MALRD1: variants seen among roughly 807,000 people sequenced by gnomAD.
The protein encoded by MALRD1 is MAM and LDL-receptor class A domain-containing protein 1.
In MALRD1, 247 loss-of-function variants were observed where a neutral mutation model predicts 242.1. That is an observed-to-expected ratio of 1.02 (90% CI 0.92 to 1.13). The LOEUF (loss-of-function observed/expected upper bound fraction) is 1.13, where lower values mean the gene tolerates loss of function less well. MALRD1 is among the 50% of genes most tolerant of loss of function. MALRD1 has a pLI of 0.00. For synonymous variants in MALRD1, 995 were observed against 866.6 expected (o/e 1.15, Z -2.60); for missense variants, 2,989 against 2,533.1 (o/e 1.18, Z -3.86).
chr10:19,549,359 TC>T (rs1835382039), intron 32 of MALRD1, among the ~76,000 whole-genome samples: 1 of 152,228 alleles, frequency 6.6e-6, no homozygotes, highest in South Asian at 2.1e-4. Context: ...TCAAATAGCA[TC>T]ATTTGCTACA....
chr10:19,688,469 C>CA (rs1842692182), intron 36 of MALRD1, among the ~76,000 whole-genome samples: 2 of 151,706 alleles, frequency 1.3e-5, no homozygotes, highest in South Asian at 4.2e-4. Flanking sequence ...CCCTGTTGCC[C>CA]AGACTGATCT....
chr10:19,643,504 C>T (rs79270131), intron 36 of MALRD1, among the ~76,000 whole-genome samples: 3,091 of 151,352 alleles, frequency 0.02, 100 homozygotes, highest in African/African-American at 0.071. Context: ...ATTCAATTAA[C>T]CAAAGTTAAT....
intron 1 of MALRD1, among the ~76,000 whole-genome samples, chr10:19,056,986 A>G (rs542240350): frequency 1.3e-5 from 2 of 152,056 alleles, no homozygotes; most frequent in Non-Finnish European, 1.5e-5. Flanking sequence ...ATTGATTTGC[A>G]TAAGTTGAAC....
chr10:19,600,332 T>A (rs1378985676), intron 34 of MALRD1, among the ~76,000 whole-genome samples: 2 of 152,186 alleles, frequency 1.3e-5, no homozygotes, highest in Non-Finnish European at 1.5e-5. Flanking sequence ...GTAATTAATC[T>A]GTTTCAGGGA....
At chr10:19,692,433 C>T in intron 37 of MALRD1, 25 bp from the exon 38 acceptor site, 1 of 1,532,810 alleles carries the variant, frequency 6.5e-7, no homozygotes, top group Non-Finnish European at 8.7e-7. Context: ...GCATATTTAT[C>T]TTTTTCTTTG....
At chr10:19,424,471 T>C (rs1267499810) in intron 28 of MALRD1, among the ~76,000 whole-genome samples, 1 of 152,214 alleles carries the variant, frequency 6.6e-6, no homozygotes, top group Non-Finnish European at 1.5e-5. Flanking sequence ...CTAATTATTC[T>C]TAAATGTAAC....
At chr10:19,286,264 G>A (rs1057160427) in intron 21 of MALRD1, among the ~76,000 whole-genome samples, 1 of 148,920 alleles carries the variant, frequency 6.7e-6, no homozygotes, top group Non-Finnish European at 1.5e-5. Context: ...CTGCCTGATT[G>A]CCCTGGCCAG....
intron 38 of MALRD1, among the ~76,000 whole-genome samples, chr10:19,727,455 T>G (rs1253142952): frequency 1.3e-5 from 2 of 152,206 alleles, no homozygotes; most frequent in Non-Finnish European, 2.9e-5. Flanking sequence ...TTATCTTAGT[T>G]CTGCATTGAT....
intron 38 of MALRD1, among the ~76,000 whole-genome samples, chr10:19,707,554 C>T (rs975576397): frequency 6.6e-6 from 1 of 152,092 alleles, no homozygotes; most frequent in Non-Finnish European, 1.5e-5. Flanking sequence ...CCTGTTCAGA[C>T]GAGTTAGATG....
chr10:19,356,750 A>G (rs11009598), intron 26 of MALRD1, among the ~76,000 whole-genome samples: 2,694 of 152,252 alleles, frequency 0.018, 69 homozygotes, highest in African/African-American at 0.059. Flanking sequence ...AAAGAGCTCC[A>G]TTAGTTGATG....
At chr10:19,238,468 A>ATATT (rs373763200) in intron 18 of MALRD1, among the ~76,000 whole-genome samples, 5,163 of 37,400 alleles carry the variant, frequency 0.14, 592 homozygotes, top group Admixed American at 0.15. Context: ...TATATAATAT[A>ATATT]ATATATAATA....
chr10:19,364,560 A>G (rs980016061), intron 26 of MALRD1, among the ~76,000 whole-genome samples: 8 of 152,162 alleles, frequency 5.3e-5, no homozygotes, highest in Non-Finnish European at 7.4e-5. Flanking sequence ...AGCTAAAACT[A>G]AACTATTTTT....
intron 18 of MALRD1, among the ~76,000 whole-genome samples, chr10:19,237,842 T>G (rs186466368): frequency 6.5e-5 from 5 of 76,534 alleles, no homozygotes; most frequent in South Asian, 3.5e-4. Flanking sequence ...TAATTATATA[T>G]AATTATATAG....
intron 31 of MALRD1, among the ~76,000 whole-genome samples, chr10:19,516,844 A>G (rs1244299676): frequency 4.6e-5 from 7 of 151,942 alleles, no homozygotes; most frequent in Admixed American, 2.6e-4. Context: ...AATGATATCT[A>G]TGAGGTCCTA....
In MALRD1 at chr10:19,124,645, G is replaced by A; in HGVS notation, c.918G>A (p.Gln306=). The change falls in exon 7 of 40, where the codon CAG becomes CAA. Residue 306 remains glutamine (Q), a synonymous_variant. Coordinates refer to ENST00000454679, the MANE Select transcript of MALRD1 (RefSeq NM_001142308.3). ...REIPAFESTP[Q]QDQGGDDEGY... ...TCCCTGCATTCGAATCCACACCTCA[G>A]CAGGATCAAGGAGGTGATGATGAAG... 8.1e-7 allele frequency: 1 copy of A among 1,233,698 alleles called. No individual in the cohort carries two copies. Among genetic ancestry groups the A allele is most frequent in the Non-Finnish European group, 1.0e-6 (1 of 988,110 alleles). The allele number at this position is 1,233,698 out of a possible 1,614,324, so 76.4% of individuals were successfully genotyped here.
chr10:19,432,977 C>T (rs1039896944), intron 28 of MALRD1, among the ~76,000 whole-genome samples: 2 of 152,048 alleles, frequency 1.3e-5, no homozygotes, highest in Non-Finnish European at 2.9e-5. Context: ...ACGTAATACA[C>T]TTGTAATGCG....
intron 33 of MALRD1, among the ~76,000 whole-genome samples, chr10:19,587,210 G>T (rs182937612): frequency 1.3e-5 from 2 of 152,332 alleles, no homozygotes; most frequent in Non-Finnish European, 2.9e-5. Context: ...GCTAGGAGCT[G>T]TAGACCGGAG....
At chr10:19,353,743 G>C (rs1427958919) in intron 26 of MALRD1, among the ~76,000 whole-genome samples, 1 of 152,196 alleles carries the variant, frequency 6.6e-6, no homozygotes, top group African/African-American at 2.4e-5. Flanking sequence ...TTCATTCTGT[G>C]TGGGATGTTT....
At chr10:19,237,567 A>ATT (rs1838383296) in intron 18 of MALRD1, among the ~76,000 whole-genome samples, 1 of 111,344 alleles carries the variant, frequency 9.0e-6, no homozygotes, top group Non-Finnish European at 1.8e-5. Context: ...TACACATAAA[A>ATT]TTATATATAA....
Sources: gnomAD v4.1 joint callset for allele counts (sites outside exome capture counted in the v4.1 genomes callset) on GRCh38, gnomAD v4.1.1 for gene constraint, MANE v1.5 for transcripts, NCBI Gene and HGNC (gene_info 2026-07-23, HGNC 2026-07-21) for gene names.